The following CEP112 variants were observed in gnomAD, a reference collection of about 807,000 sequenced individuals.
CEP112 encodes centrosomal protein of 112 kDa.
A neutral mutation model predicts 153.0 loss-of-function variants in CEP112; 127 were observed. The observed-to-expected ratio is 0.83, with a 90% CI of 0.72 to 0.96. CEP112 has a LOEUF of 0.96. CEP112 is among the 40% of genes least tolerant of loss of function. The probability of loss-of-function intolerance (pLI) is 0.00; values close to 1 mark genes in which losing one functional copy is unlikely to be tolerated. For missense variants in CEP112, 1,089 were observed against 1,101.2 expected (o/e 0.99, Z 0.16); for synonymous variants, 358 against 374.4 (o/e 0.96, Z 0.51).
chr17:66,187,460 G>A (rs1416717656), intron 1 of CEP112, among the ~76,000 whole-genome samples: 1 of 152,134 alleles, frequency 6.6e-6, no homozygotes, highest in Admixed American at 6.5e-5. Context: ...TCTTCAGTTT[G>A]CATCCTATTT....
chr17:65,992,442 T>C (rs990032887), intron 17 of CEP112, among the ~76,000 whole-genome samples: 6 of 152,182 alleles, frequency 3.9e-5, no homozygotes, highest in Admixed American at 2.0e-4. Flanking sequence ...TGTCAGTTTG[T>C]TGGAAAAATA....
intron 18 of CEP112, among the ~76,000 whole-genome samples, chr17:65,959,402 T>C (rs1173632152): frequency 1.3e-5 from 2 of 152,212 alleles, no homozygotes; most frequent in Non-Finnish European, 1.5e-5. Flanking sequence ...ACCCTCCACT[T>C]GTCTGCATAC....
chr17:65,974,052 G>C (rs1237640426), intron 17 of CEP112, among the ~76,000 whole-genome samples: 2 of 151,812 alleles, frequency 1.3e-5, no homozygotes, highest in Non-Finnish European at 1.5e-5. Flanking sequence ...TTCTACTTGG[G>C]AGTCTAAAAG....
At chr17:66,189,833 C>G (rs1013050970) in intron 1 of CEP112, among the ~76,000 whole-genome samples, 45 of 152,110 alleles carry the variant, frequency 3.0e-4, no homozygotes, top group Non-Finnish European at 2.6e-4. Context: ...GAGTTCAAGA[C>G]CAGCCTGGGC....
intron 18 of CEP112, among the ~76,000 whole-genome samples, chr17:65,928,591 A>G (rs943079906): frequency 2.0e-5 from 3 of 152,322 alleles, no homozygotes; most frequent in Middle Eastern, 3.4e-3. Flanking sequence ...TCAATCATAA[A>G]AAGGAAAGAA....
chr17:66,075,184 T>C (rs191351370), intron 8 of CEP112, among the ~76,000 whole-genome samples: 244 of 152,288 alleles, frequency 1.6e-3, no homozygotes, highest in Non-Finnish European at 2.5e-3. Flanking sequence ...AAAACACAAC[T>C]ATTTAAAGAT....
intron 24 of CEP112, chr17:65,661,737 T>A (rs2046394993): frequency 6.6e-6 from 1 of 152,212 alleles, no homozygotes; most frequent in African/African-American, 2.4e-5. Context: ...TTTGCTAACC[T>A]ATTATGTAGG....
At chr17:65,738,206 A>G (rs2050914968) in intron 23 of CEP112, among the ~76,000 whole-genome samples, 1 of 152,222 alleles carries the variant, frequency 6.6e-6, no homozygotes, top group Non-Finnish European at 1.5e-5. Context: ...TAAACACTGC[A>G]TAGATTGAAA....
At chr17:66,031,576 A>G (rs964059369) in intron 12 of CEP112, among the ~76,000 whole-genome samples, 2 of 149,174 alleles carry the variant, frequency 1.3e-5, no homozygotes, top group African/African-American at 5.0e-5. Context: ...CTCCCACCTC[A>G]GCTTCCTGAG....
At chr17:65,904,049 G>A (rs1246358871) in intron 19 of CEP112, among the ~76,000 whole-genome samples, 6 of 151,988 alleles carry the variant, frequency 3.9e-5, no homozygotes, top group South Asian at 2.1e-4. Flanking sequence ...TTTGAAAACC[G>A]GCACAAGACT....
chr17:65,716,956 C>A lies in CEP112; in HGVS notation c.2607+26112G>T, dbSNP rs2035113895. Among the ~76,000 whole-genome samples the A allele has an allele frequency of 1.3e-5, 2 of 152,152 alleles. 1 individual carries two copies. The highest frequency in any genetic ancestry group is 4.1e-4 in the South Asian group (2 of 4,822). On this transcript the variant is annotated intron_variant, in intron 23 of 26. Transcript: ENST00000535342. ...GACTACAGGTCTGGATTCTAGAAAT[C>A]ATTTATTATTGCCATCCCCTTTAAA...
intron 23 of CEP112, among the ~76,000 whole-genome samples, chr17:65,699,286 C>T (rs962884685): frequency 1.3e-5 from 2 of 152,192 alleles, no homozygotes; most frequent in African/African-American, 2.4e-5. Flanking sequence ...GTAACATTAA[C>T]CAACTCTATA....
At chr17:66,023,317 C>T (rs7217830) in intron 16 of CEP112, among the ~76,000 whole-genome samples, 6,067 of 152,126 alleles carry the variant, frequency 0.04, 166 homozygotes, top group South Asian at 0.11. Context: ...CTCAGCAAGA[C>T]AAAAGCATCT....
At chr17:66,090,576 A>T (rs940780125) in intron 8 of CEP112, among the ~76,000 whole-genome samples, 2 of 152,102 alleles carry the variant, frequency 1.3e-5, no homozygotes, top group African/African-American at 4.8e-5. Context: ...AAGGATTCAA[A>T]GCATACCACT....
chr17:66,114,188 T>A (rs1555801294), intron 6 of CEP112, among the ~76,000 whole-genome samples: 1 of 152,202 alleles, frequency 6.6e-6, no homozygotes, highest in Non-Finnish European at 1.5e-5. Context: ...AGAATCGCAA[T>A]AATAAAATAT....
intron 21 of CEP112, among the ~76,000 whole-genome samples, chr17:65,797,534 G>T (rs1480859819): frequency 6.6e-6 from 1 of 152,186 alleles, no homozygotes; most frequent in Admixed American, 6.5e-5. Context: ...TTCAGCTTAT[G>T]ATTTTCCTTC....
At chr17:65,905,089 C>CA in intron 19 of CEP112, among the ~76,000 whole-genome samples, 1 of 152,162 alleles carries the variant, frequency 6.6e-6, no homozygotes, top group Middle Eastern at 3.4e-3. Context: ...CAACAAAAGC[C>CA]AAAATTGACA....
chr17:65,832,288 G>C (rs1007299666), intron 21 of CEP112, among the ~76,000 whole-genome samples: 1 of 151,918 alleles, frequency 6.6e-6, no homozygotes, highest in Non-Finnish European at 1.5e-5. Context: ...GAAAGACTTA[G>C]AGAAGCAAGA....
rs2052237434 is a variant in CEP112 at position 65,756,045 on chromosome 17, C to T, written c.2395-5321G>A. On this transcript the variant is annotated intron_variant, in intron 21 of 26. Coordinates refer to ENST00000535342, the MANE Select transcript of CEP112 (RefSeq NM_001199165.4). Reference sequence around the variant, plus strand: ...AAGCAGAGGTCTAAGTATACTCAGCCCTGGGCCTGCAAATGTTAGGAGGCT... The same window carrying T: ...AAGCAGAGGTCTAAGTATACTCAGCTCTGGGCCTGCAAATGTTAGGAGGCT... Among the ~76,000 whole-genome samples the T allele has an allele frequency of 3.3e-5, 5 of 152,056 alleles. No homozygotes were observed. In the South Asian group the frequency reaches 1.0e-3, roughly 32 times the overall value.
Sources: gnomAD v4.1 joint callset for allele counts (sites outside exome capture counted in the v4.1 genomes callset) on GRCh38, gnomAD v4.1.1 for gene constraint, MANE v1.5 for transcripts, NCBI Gene and HGNC (gene_info 2026-07-23, HGNC 2026-07-21) for gene names.